GARIN2: variants seen among roughly 807,000 people sequenced by gnomAD.
The protein encoded by GARIN2 is Golgi-associated RAB2 interactor protein 2.
the GARIN2 span, among the ~76,000 whole-genome samples, chr14:67,226,371 T>C: frequency 2.0e-5 from 3 of 151,240 alleles, no homozygotes; most frequent in Admixed American, 1.3e-4. Context: ...TTTTTTGTTT[T>C]GTTTTTTTGA....
At chr14:67,218,760 C>T in the GARIN2 span, among the ~76,000 whole-genome samples, 1 of 151,964 alleles carries the variant, frequency 6.6e-6, no homozygotes, top group East Asian at 2.0e-4. Flanking sequence ...GTATATCAAG[C>T]TGTTTAGAGG....
the GARIN2 span, among the ~76,000 whole-genome samples, chr14:67,211,116 T>A: frequency 6.6e-6 from 1 of 152,216 alleles, no homozygotes; most frequent in Non-Finnish European, 1.5e-5. Flanking sequence ...TCTTCAGGTC[T>A]GTTTCCTCAT....
chr14:67,214,976 T>C, the GARIN2 span, among the ~76,000 whole-genome samples: 1 of 152,154 alleles, frequency 6.6e-6, no homozygotes, highest in African/African-American at 2.4e-5. Flanking sequence ...TTGTCTGTTA[T>C]TGGTGTATAA....
chr14:67,198,123 T>C, the GARIN2 span: 1 of 1,590,680 alleles, frequency 6.3e-7, no homozygotes, highest in East Asian at 2.2e-5. Context: ...TAATTGTGTT[T>C]CCATTCCCTC....
chr14:67,197,117 C>G, the GARIN2 span: 1 of 152,128 alleles, frequency 6.6e-6, no homozygotes, highest in Non-Finnish European at 1.5e-5. Flanking sequence ...TTTGTAGAGA[C>G]AAGATCTTGC....
chr14:67,204,701 A>C, the GARIN2 span: 5 of 1,613,864 alleles, frequency 3.1e-6, no homozygotes, highest in African/African-American at 6.7e-5. Flanking sequence ...TCCCTCTTGA[A>C]TCAGGAGAAA....
At chr14:67,209,007 GAGTA>G in the GARIN2 span, among the ~76,000 whole-genome samples, 9 of 151,894 alleles carry the variant, frequency 5.9e-5, no homozygotes, top group African/African-American at 1.9e-4. Context: ...GATAGGAAAA[GAGTA>G]AGTTATTTTA....
the GARIN2 span, among the ~76,000 whole-genome samples, chr14:67,203,671 T>C: frequency 6.6e-6 from 1 of 152,172 alleles, no homozygotes; most frequent in East Asian, 1.9e-4. Flanking sequence ...CTTTGAAGGA[T>C]TAATTTAAAT....
the GARIN2 span, among the ~76,000 whole-genome samples, chr14:67,225,962 T>TGTGTGCGCGCGC: frequency 3.0e-4 from 34 of 113,514 alleles, no homozygotes; most frequent in Middle Eastern, 4.3e-3. Flanking sequence ...TGTGTGTGTG[T>TGTGTGCGCGCGC]GCGCGCGCGC....
the GARIN2 span, among the ~76,000 whole-genome samples, chr14:67,205,488 A>G: frequency 6.6e-6 from 1 of 152,196 alleles, no homozygotes; most frequent in Non-Finnish European, 1.5e-5. Flanking sequence ...CTGGTTTAAA[A>G]ATATATAGCA....
At chr14:67,204,479 C>A in the GARIN2 span, 1 of 1,494,516 alleles carries the variant, frequency 6.7e-7, no homozygotes, top group South Asian at 1.4e-5. Context: ...ATAAGAAAGG[C>A]CTTTTTATAA....
the GARIN2 span, among the ~76,000 whole-genome samples, chr14:67,207,410 A>G: frequency 1.3e-5 from 2 of 152,200 alleles, no homozygotes; most frequent in Admixed American, 1.3e-4. Context: ...GTGAGAACTC[A>G]CTCATTATGG....
At chr14:67,196,223 C>CTTTCTTTTTTTT in the GARIN2 span, among the ~76,000 whole-genome samples, 1 of 143,118 alleles carries the variant, frequency 7.0e-6, no homozygotes, top group African/African-American at 2.6e-5. Flanking sequence ...TTCTTTCTTT[C>CTTTCTTTTTTTT]TTTTTTTTTT....
At chr14:67,205,942 G>A in the GARIN2 span, among the ~76,000 whole-genome samples, 88 of 152,318 alleles carry the variant, frequency 5.8e-4, 1 homozygote, top group East Asian at 0.016. Context: ...CCGGCACTTT[G>A]GGAGGCCAAG....
chr14:67,195,560 G>A, the GARIN2 span, among the ~76,000 whole-genome samples: 2 of 152,174 alleles, frequency 1.3e-5, no homozygotes, highest in Non-Finnish European at 2.9e-5. Flanking sequence ...TTTCCAAAAT[G>A]TGCACTCTTT....
chr14:67,195,340 C>G, the GARIN2 span, among the ~76,000 whole-genome samples: 1 of 152,140 alleles, frequency 6.6e-6, no homozygotes, highest in African/African-American at 2.4e-5. Flanking sequence ...GAATCCACAG[C>G]TACACCTTTT....
chr14:67,211,627 CA>C, the GARIN2 span, among the ~76,000 whole-genome samples: 3 of 152,054 alleles, frequency 2.0e-5, no homozygotes, highest in Non-Finnish European at 4.4e-5. Context: ...GGTAATATAG[CA>C]ATCAATTTAA....
At chr14:67,222,999 CT>C in the GARIN2 span, among the ~76,000 whole-genome samples, 1,781 of 124,720 alleles carry the variant, frequency 0.014, 8 homozygotes, top group African/African-American at 0.031. Context: ...TCCCATTGGG[CT>C]TTTTTTTTTT....
chr14:67,198,333 C>T, the GARIN2 span: 1 of 1,606,168 alleles, frequency 6.2e-7, no homozygotes, highest in East Asian at 2.2e-5. Context: ...AAATCATATT[C>T]AAGGCCTGAG....
Sources: gnomAD v4.1 joint callset for allele counts (sites outside exome capture counted in the v4.1 genomes callset) on GRCh38, gnomAD v4.1.1 for gene constraint, MANE v1.5 for transcripts, NCBI Gene and HGNC (gene_info 2026-07-23, HGNC 2026-07-21) for gene names.